The following DBNL variants were observed in gnomAD, a reference collection of about 807,000 sequenced individuals.
DBNL encodes drebrin-like protein.
Under a neutral mutation model 62.2 loss-of-function variants are expected in DBNL, and 35 were observed. The observed-to-expected ratio is 0.56, with a 90% confidence interval of 0.43 to 0.75. The LOEUF (loss-of-function observed/expected upper bound fraction) is 0.75, where lower values mean the gene tolerates loss of function less well. Among genes scored for constraint, DBNL ranks in the 30% least tolerant of loss-of-function variants. The pLI is 0.00. For synonymous variants in DBNL, 197 were observed against 218.0 expected (o/e 0.90, Z 0.85); for missense variants, 495 against 578.4 (o/e 0.86, Z 1.48).
Position 44,058,148 on chromosome 7 carries a change from G to A in DBNL, c.572G>A (p.Arg191Gln), listed in dbSNP as rs1246221760. The A allele has an allele frequency of 5.8e-6, 9 of 1,557,742 alleles. No individual in the cohort carries two copies. In the African/African-American group the frequency reaches 9.5e-5, roughly 16 times the overall value. ...AKAEKEEENRRLEEKRRAEEA... is the reference protein window; with the variant it reads ...AKAEKEEENRQLEEKRRAEEA... ...CTGCAGAAGGAGGAGGAGAACCGTC[G>A]GCTGGAGGAAAAGCGGCGGGCCGAG... Residue 191 changes from arginine (R) to glutamine (Q), a missense_variant, in exon 7 of 13, where the codon CGG becomes CAG. Physicochemically the swap from Arg to Gln is conservative, Grantham distance 43. Transcript: ENST00000448521.
chr7:44,056,955 A>C, intron 5 of DBNL, 52 bp downstream of exon 5: 1 of 1,608,888 alleles, frequency 6.2e-7, no homozygotes, highest in Non-Finnish European at 8.5e-7. Flanking sequence ...GGCCTGAGGC[A>C]GGGGGCCAGG....
At chr7:44,050,505 G>A in intron 2 of DBNL, 1 of 448,786 alleles carries the variant, frequency 2.2e-6, no homozygotes, top group East Asian at 4.4e-5. Context: ...GTCTACTTGG[G>A]GAGAGCTGAG....
chr7:44,065,780 A>AT lies in DBNL; in HGVS notation c.*4865dup. 1 of 573,784 alleles carries AT rather than the reference A, an allele frequency of 1.7e-6. No homozygotes were observed. Among genetic ancestry groups the AT allele is most frequent in the South Asian group, 2.0e-5 (1 of 50,710 alleles). 35.5% of individuals were successfully genotyped at this position (573,784 alleles called of 1,614,324 possible). ...TGGCCTGGGTTCAGGTGGCATGTCT[A>AT]TAACCAGCTGGCACCCAGAGCCCAG... On this transcript the variant is annotated 3_prime_UTR_variant, in exon 13 of 13. Coordinates refer to ENST00000448521, the MANE Select transcript of DBNL (RefSeq NM_001014436.3).
Position 44,064,792 on chromosome 7 carries a change from T to TGCCCCCCCCCCCC in DBNL, c.*3880_*3881insCCCCCCCCCGCCC. 1 of 1,279,338 alleles carries TGCCCCCCCCCCCC rather than the reference T, an allele frequency of 7.8e-7. No individual in the cohort carries two copies. Among genetic ancestry groups the TGCCCCCCCCCCCC allele is most frequent in the Non-Finnish European group, 1.1e-6 (1 of 902,176 alleles). 79.2% of individuals were successfully genotyped at this position (1,279,338 alleles called of 1,614,324 possible). ...GAGATGAGAAGCCAGCTGGGGCTGC[T>TGCCCCCCCCCCCC]GCCCACCCACCCTGCCCAGGCTCCT... On this transcript the variant is annotated 3_prime_UTR_variant, in exon 13 of 13. Transcript: ENST00000448521.
chr7:44,048,372 C>T (rs1261746700), intron 1 of DBNL, among the ~76,000 whole-genome samples: 1 of 152,224 alleles, frequency 6.6e-6, no homozygotes, highest in Non-Finnish European at 1.5e-5. Flanking sequence ...GGCAGTGTGC[C>T]ACCTCCCAAA....
In DBNL at chr7:44,065,775, T is replaced by G; in HGVS notation, c.*4859T>G. 1 of 580,818 alleles carries G rather than the reference T, an allele frequency of 1.7e-6. No individual in the cohort carries two copies. The allele number at this position is 580,818 out of a possible 1,614,324, so 36.0% of individuals were successfully genotyped here. A position where few individuals can be genotyped will look rare whatever the true frequency, so the allele number is the denominator to read the frequency against. ...GCTCCTGGCCTGGGTTCAGGTGGCA[T>G]GTCTATAACCAGCTGGCACCCAGAG... On this transcript the variant is annotated 3_prime_UTR_variant, in exon 13 of 13. Transcript: ENST00000448521.
In DBNL at chr7:44,065,810, A is replaced by T; in HGVS notation, c.*4894A>T. The T allele has an allele frequency of 1.9e-6, 1 of 538,772 alleles. No homozygotes were observed. Among genetic ancestry groups the T allele is most frequent in the South Asian group, 2.0e-5 (1 of 49,726 alleles). 33.4% of individuals were successfully genotyped at this position (538,772 alleles called of 1,614,324 possible). ...CAGCTGGCACCCAGAGCCCAGACTGAGTGGGGCTGCTGGTCAGGGATGGGC... is the reference window on the plus strand; with the variant it reads ...CAGCTGGCACCCAGAGCCCAGACTGTGTGGGGCTGCTGGTCAGGGATGGGC... On this transcript the variant is annotated 3_prime_UTR_variant, in exon 13 of 13. Coordinates refer to ENST00000448521, the MANE Select transcript of DBNL (RefSeq NM_001014436.3).
At chr7:44,057,727 G>A in intron 5 of DBNL, 55 bp from the exon 6 acceptor site, 1 of 1,604,796 alleles carries the variant, frequency 6.2e-7, no homozygotes, top group Non-Finnish European at 8.5e-7. Flanking sequence ...TTTGGTGCCT[G>A]TGGGCCTGGC....
rs2096145918 is a variant in DBNL at position 44,060,179 on chromosome 7, C to T, written c.1153+26C>T. The T allele has an allele frequency of 1.9e-6, 3 of 1,590,804 alleles. No individual in the cohort carries two copies. Among genetic ancestry groups the T allele is most frequent in the Non-Finnish European group, 2.6e-6 (3 of 1,161,702 alleles). Reference sequence around the variant, plus strand: ...GTAAGGTGCCCTGGCCTGGCTGGCACAGACCACAGGGTCCTGAGGTTAGGA... The same window carrying T: ...GTAAGGTGCCCTGGCCTGGCTGGCATAGACCACAGGGTCCTGAGGTTAGGA... On this transcript the variant is annotated intron_variant, in intron 12 of 12. Coordinates refer to ENST00000448521, the MANE Select transcript of DBNL (RefSeq NM_001014436.3). The surrounding 1 kb of genome is among the most constrained non-coding windows in gnomAD (Gnocchi z 6.3).
intron 4 of DBNL, among the ~76,000 whole-genome samples, chr7:44,055,047 G>C (rs2096133725): frequency 6.6e-6 from 1 of 152,160 alleles, no homozygotes. Flanking sequence ...TGGACGTTTT[G>C]GTTGATTCCG....
chr7:44,062,885 A>G lies in DBNL; in HGVS notation c.*1969A>G, dbSNP rs767463141. Reference sequence around the variant, plus strand: ...CTTGTTCAGCTCATACACAATGGGGATCCCCGTGGGCAGGTTCAGCTCCAT... The same window carrying G: ...CTTGTTCAGCTCATACACAATGGGGGTCCCCGTGGGCAGGTTCAGCTCCAT... On this transcript the variant is annotated 3_prime_UTR_variant, in exon 13 of 13. Coordinates refer to ENST00000448521, the MANE Select transcript of DBNL (RefSeq NM_001014436.3). The G allele has an allele frequency of 6.2e-7, 1 of 1,614,158 alleles. No homozygotes were observed. The highest frequency in any genetic ancestry group is 1.1e-5 in the South Asian group (1 of 91,074).
In DBNL at chr7:44,065,334, T is replaced by C. The variant is rs754137590; in HGVS notation, c.*4418T>C. Reference sequence around the variant, plus strand: ...GTGCCGTCCAGGATGGCCCAGAGGGTGCGGATGGCCCGCTTCAGCACTGAC... The same window carrying C: ...GTGCCGTCCAGGATGGCCCAGAGGGCGCGGATGGCCCGCTTCAGCACTGAC... On this transcript the variant is annotated 3_prime_UTR_variant, in exon 13 of 13. Coordinates refer to ENST00000448521, the MANE Select transcript of DBNL (RefSeq NM_001014436.3). 2 of 1,613,584 alleles carry C rather than the reference T, an allele frequency of 1.2e-6. No individual in the cohort carries two copies. Among genetic ancestry groups the C allele is most frequent in the Non-Finnish European group, 1.7e-6 (2 of 1,180,028 alleles).
intron 1 of DBNL, 46 bp from the exon 2 acceptor site, chr7:44,050,179 G>T: frequency 6.2e-7 from 1 of 1,605,960 alleles, no homozygotes; most frequent in South Asian, 1.1e-5. Context: ...GAGGAGAGAT[G>T]GAACCCAAGG....
chr7:44,049,812 G>C (rs1390408941), intron 1 of DBNL: 1 of 160,464 alleles, frequency 6.2e-6, no homozygotes, highest in Non-Finnish European at 1.4e-5. Context: ...TCTCCTTTTG[G>C]GTGCTCTGGG....
chr7:44,048,283 A>G (rs898045382), intron 1 of DBNL, among the ~76,000 whole-genome samples: 1 of 152,186 alleles, frequency 6.6e-6, no homozygotes, highest in African/African-American at 2.4e-5. Context: ...CCAGCTTGCT[A>G]TCTTCTGGGA....
rs2096155218 is a variant in DBNL at position 44,064,486 on chromosome 7, C to T, written c.*3570C>T. 2.7e-6 allele frequency: 1 copy of T among 368,802 alleles called. No homozygotes were observed. The highest frequency in any genetic ancestry group is 2.1e-5 in the African/African-American group (1 of 47,810). 22.8% of individuals were successfully genotyped at this position (368,802 alleles called of 1,614,324 possible). A position where few individuals can be genotyped will look rare whatever the true frequency, so the allele number is the denominator to read the frequency against. ...GGCCCAGAGATGGAGGTGGCTTGTC[C>T]AGGGCCCCACAGTAAGTTGGGATTT... On this transcript the variant is annotated 3_prime_UTR_variant, in exon 13 of 13. Transcript: ENST00000448521.
In DBNL at chr7:44,062,534, C is replaced by T. The variant is rs1359137838; in HGVS notation, c.*1618C>T. On this transcript the variant is annotated 3_prime_UTR_variant, in exon 13 of 13. Coordinates refer to ENST00000448521, the MANE Select transcript of DBNL (RefSeq NM_001014436.3). Reference sequence around the variant, plus strand: ...AGCTTCAGGGTCACCACAGGCTTGTCCTGACTGCAAACTCATGGAGTGGTT... The same window carrying T: ...AGCTTCAGGGTCACCACAGGCTTGTTCTGACTGCAAACTCATGGAGTGGTT... 1 of 576,710 alleles carries T rather than the reference C, an allele frequency of 1.7e-6. No homozygotes were observed. The highest frequency in any genetic ancestry group is 3.1e-6 in the Non-Finnish European group (1 of 320,738). 35.7% of individuals were successfully genotyped at this position (576,710 alleles called of 1,614,324 possible).
At chr7:44,048,741 T>C (rs1047124492) in intron 1 of DBNL, among the ~76,000 whole-genome samples, 4 of 152,242 alleles carry the variant, frequency 2.6e-5, no homozygotes, top group African/African-American at 4.8e-5. Flanking sequence ...CTTTGACTTA[T>C]AGTCCAGTGG....
At position 44,065,855 on chromosome 7, in the gene DBNL, G is replaced by A. The variant is rs2096159058; in HGVS notation, c.*4939G>A. ...ATGGGCGTGAAGGGCAGAAGTCTGGGCCAGGGGAGATGGGGATAGCAGGGA... is the reference window on the plus strand; with the variant it reads ...ATGGGCGTGAAGGGCAGAAGTCTGGACCAGGGGAGATGGGGATAGCAGGGA... On this transcript the variant is annotated 3_prime_UTR_variant, in exon 13 of 13. Coordinates refer to ENST00000448521, the MANE Select transcript of DBNL (RefSeq NM_001014436.3). The A allele has an allele frequency of 2.1e-6, 1 of 471,758 alleles. No individual in the cohort carries two copies. Among genetic ancestry groups the A allele is most frequent in the Non-Finnish European group, 3.9e-6 (1 of 255,256 alleles). The allele number at this position is 471,758 out of a possible 1,614,324, so 29.2% of individuals were successfully genotyped here. A position where few individuals can be genotyped will look rare whatever the true frequency, so the allele number is the denominator to read the frequency against.
Sources: gnomAD v4.1 joint callset for allele counts (sites outside exome capture counted in the v4.1 genomes callset) on GRCh38, gnomAD v4.1.1 for gene constraint, Gnocchi (gnomAD v3.1) non-coding constraint, MANE v1.5 for transcripts, NCBI Gene and HGNC (gene_info 2026-07-23, HGNC 2026-07-21) for gene names.